SERGEF: variants seen among roughly 807,000 people sequenced by gnomAD.
SERGEF encodes the protein secretion regulating guanine nucleotide exchange factor.
In SERGEF, 51 loss-of-function variants were observed where a neutral mutation model predicts 50.0. The ratio of observed to expected loss-of-function variants is 1.02; its 90% CI spans 0.81 to 1.29. SERGEF has a LOEUF of 1.29. SERGEF is among the 50% of genes most tolerant of loss of function. The pLI, the probability that SERGEF is intolerant of heterozygous loss-of-function variation, is 0.00. For missense variants in SERGEF, 521 were observed against 557.0 expected, an observed-to-expected ratio of 0.94 and a Z score of 0.65; for synonymous variants, 205 against 212.4, an observed-to-expected ratio of 0.97 and a Z score of 0.30.
At chr11:17,861,995 C>A (rs970790092) in intron 10 of SERGEF, among the ~76,000 whole-genome samples, 1 of 152,200 alleles carries the variant, frequency 6.6e-6, no homozygotes, top group Non-Finnish European at 1.5e-5. Flanking sequence ...TGCTTTAAAA[C>A]CTTTCCTGCA....
At chr11:17,956,374 C>T (rs958180125) in intron 9 of SERGEF, among the ~76,000 whole-genome samples, 2 of 152,180 alleles carry the variant, frequency 1.3e-5, no homozygotes, top group African/African-American at 2.4e-5. Context: ...AAGACCCAGG[C>T]TCACTGTTTA....
chr11:17,899,892 G>C (rs1195559155), intron 9 of SERGEF, among the ~76,000 whole-genome samples: 1 of 151,456 alleles, frequency 6.6e-6, no homozygotes, highest in South Asian at 2.1e-4. Context: ...GGAGTTCAAG[G>C]CTGCAGAGAG....
chr11:17,940,352 G>C (rs1852538327), intron 9 of SERGEF, among the ~76,000 whole-genome samples: 1 of 152,142 alleles, frequency 6.6e-6, no homozygotes, highest in Non-Finnish European at 1.5e-5. Flanking sequence ...TGAAGGCCCT[G>C]CTCAGCTATG....
intron 9 of SERGEF, among the ~76,000 whole-genome samples, chr11:17,894,944 G>A (rs753670656): frequency 4.6e-5 from 7 of 152,212 alleles, no homozygotes; most frequent in Non-Finnish European, 8.8e-5. Context: ...ATGCCACAGG[G>A]CAGAGACAGT....
intron 10 of SERGEF, among the ~76,000 whole-genome samples, chr11:17,792,190 G>T (rs1849493806): frequency 6.6e-6 from 1 of 152,208 alleles, no homozygotes; most frequent in African/African-American, 2.4e-5. Flanking sequence ...AAAAGCTTGG[G>T]TTTAGGGAAA....
chr11:17,995,774 A>T, intron 6 of SERGEF, 22 bp downstream of exon 6: 3 of 1,464,352 alleles, frequency 2.0e-6, no homozygotes, highest in South Asian at 1.1e-5. Context: ...CAAATATAGG[A>T]CTAAAGAAAG....
At chr11:17,805,688 A>C (rs1198197853) in intron 10 of SERGEF, among the ~76,000 whole-genome samples, 1 of 152,196 alleles carries the variant, frequency 6.6e-6, no homozygotes, top group Non-Finnish European at 1.5e-5. Flanking sequence ...ACAGACCCTA[A>C]AAGCTTCATG....
chr11:17,971,376 ATAAC>A (rs1037389096), intron 8 of SERGEF, among the ~76,000 whole-genome samples: 2 of 152,194 alleles, frequency 1.3e-5, no homozygotes, highest in Non-Finnish European at 2.9e-5. Context: ...TGGGAAGAAG[ATAAC>A]TATCTAGGGC....
At chr11:17,904,424 G>A (rs1284818990) in intron 9 of SERGEF, among the ~76,000 whole-genome samples, 11 of 152,212 alleles carry the variant, frequency 7.2e-5, no homozygotes. Flanking sequence ...CCCCGCTGGG[G>A]CATTCGACTA....
In SERGEF at chr11:17,976,457, ATTTTTTTTT is replaced by A. The variant is rs67114053; in HGVS notation, c.844+12131_844+12139del. On this transcript the variant is annotated intron_variant, in intron 8 of 10. Coordinates refer to ENST00000265965, the MANE Select transcript of SERGEF (RefSeq NM_012139.4). ...TGCACCACCACCTCGGCTAATTTTC[ATTTTTTTTT>A]TTTTTTTTTTTTTTTAGCAGAGATG... 5.0e-5 allele frequency among the ~76,000 whole-genome samples: 5 copies of A among 99,030 alleles called. No homozygotes were observed. In the South Asian group the frequency reaches 1.2e-3, roughly 23 times the overall value. The allele number at this position is 99,030 out of a possible 152,430, so 65.0% of individuals were successfully genotyped here.
chr11:17,933,994 C>T (rs1852402905), intron 9 of SERGEF, among the ~76,000 whole-genome samples: 1 of 152,114 alleles, frequency 6.6e-6, no homozygotes, highest in Non-Finnish European at 1.5e-5. Context: ...AAGCTGGTAT[C>T]TCTATGTTCA....
chr11:17,930,878 T>G (rs1852339662), intron 9 of SERGEF, among the ~76,000 whole-genome samples: 1 of 152,144 alleles, frequency 6.6e-6, no homozygotes, highest in African/African-American at 2.4e-5. Flanking sequence ...TGCATGTCAG[T>G]CAGCTGTAAT....
intron 10 of SERGEF, among the ~76,000 whole-genome samples, chr11:17,790,718 G>A (rs753203948): frequency 4.6e-5 from 7 of 152,150 alleles, no homozygotes; most frequent in Admixed American, 6.5e-5. Context: ...TTTAGTAAGT[G>A]TGGCCAAATA....
In SERGEF at chr11:17,993,071, C is replaced by A. The variant is rs1396207650; in HGVS notation, c.623-78G>T. On this transcript the variant is annotated intron_variant, in intron 6 of 10. Transcript: ENST00000265965. ...GCAGAGAGGGGGCACTCAGCCAGTACCACCTGGGCGTGGGAGAGACTCAGC... is the reference window on the plus strand; with the variant it reads ...GCAGAGAGGGGGCACTCAGCCAGTAACACCTGGGCGTGGGAGAGACTCAGC... 5 of 1,203,664 alleles carry A rather than the reference C, an allele frequency of 4.2e-6. No homozygotes were observed. In the Admixed American group the frequency reaches 9.4e-5, roughly 23 times the overall value. 74.6% of individuals were successfully genotyped at this position (1,203,664 alleles called of 1,614,324 possible).
intron 9 of SERGEF, among the ~76,000 whole-genome samples, chr11:17,936,752 G>T (rs373729809): frequency 6.6e-6 from 1 of 152,204 alleles, no homozygotes; most frequent in Non-Finnish European, 1.5e-5. Context: ...ATACCATTTC[G>T]TGGGTACAGG....
intron 8 of SERGEF, among the ~76,000 whole-genome samples, chr11:17,981,697 G>A (rs1007393832): frequency 6.6e-6 from 1 of 152,092 alleles, no homozygotes; most frequent in African/African-American, 2.4e-5. Context: ...CCTGACCCTC[G>A]CTTCTCAGGA....
At chr11:17,873,603 GA>G (rs567371740) in intron 10 of SERGEF, among the ~76,000 whole-genome samples, 13 of 150,450 alleles carry the variant, frequency 8.6e-5, no homozygotes, top group Admixed American at 2.0e-4. Flanking sequence ...TCTGTGAAAT[GA>G]AAAAAAAATC....
At chr11:17,915,319 C>T (rs114347208) in intron 9 of SERGEF, among the ~76,000 whole-genome samples, 2,811 of 152,226 alleles carry the variant, frequency 0.018, 103 homozygotes, top group African/African-American at 0.065. Context: ...ATATTTCCTG[C>T]GACTAGGTCA....
intron 10 of SERGEF, among the ~76,000 whole-genome samples, chr11:17,833,057 C>T (rs1169781169): frequency 2.6e-5 from 4 of 152,154 alleles, no homozygotes; most frequent in Admixed American, 6.5e-5. Context: ...AACGAGGAGC[C>T]AAATGTTAAT....
Sources: allele counts gnomAD v4.1 joint callset (sites outside exome capture counted in the v4.1 genomes callset), GRCh38; gene constraint gnomAD v4.1.1; transcripts MANE v1.5; gene names NCBI Gene and HGNC (gene_info 2026-07-23, HGNC 2026-07-21).